The following TSC22D1 variants were observed in gnomAD, a reference collection of about 807,000 sequenced individuals.
The protein encoded by TSC22D1 is TSC22 domain family member 1.
A neutral mutation model predicts 74.2 loss-of-function variants in TSC22D1; 9 were observed. That is an observed-to-expected ratio of 0.12 (90% CI 0.07 to 0.21). The LOEUF (loss-of-function observed/expected upper bound fraction) is 0.21, where lower values mean the gene tolerates loss of function less well. Among genes scored for constraint, TSC22D1 ranks in the 10% least tolerant of loss-of-function variants. The pLI, the probability that TSC22D1 is intolerant of heterozygous loss-of-function variation, is 1.00. For synonymous variants in TSC22D1, 586 were observed against 492.5 expected (o/e 1.19, Z -2.51); for missense variants, 1,427 against 1,304.7 (o/e 1.09, Z -1.44).
At chr13:44,512,869 C>T (rs1879802606) in intron 1 of TSC22D1, among the ~76,000 whole-genome samples, 1 of 152,032 alleles carries the variant, frequency 6.6e-6, no homozygotes, top group Admixed American at 6.5e-5. Context: ...AGGATGGTCT[C>T]GATCTCTTGA....
At chr13:44,527,170 G>GA (rs1291804046) in intron 1 of TSC22D1, among the ~76,000 whole-genome samples, 1 of 151,970 alleles carries the variant, frequency 6.6e-6, no homozygotes, top group Non-Finnish European at 1.5e-5. Context: ...GACCTGTCTT[G>GA]AAAAAAATGT....
chr13:44,551,310 G>GGGGGGTGTGTGT (rs1555272439), intron 1 of TSC22D1, among the ~76,000 whole-genome samples: 7 of 132,776 alleles, frequency 5.3e-5, no homozygotes, highest in African/African-American at 2.1e-4. Flanking sequence ...ATCAGCTGGG[G>GGGGGGTGTGTGT]GTGTGTGTGT....
chr13:44,436,018 A>G, intron 2 of TSC22D1, 26 bp downstream of exon 2: 1 of 1,607,284 alleles, frequency 6.2e-7, no homozygotes, highest in Non-Finnish European at 8.5e-7. Context: ...CACATTTAGT[A>G]TAAATGATTT....
chr13:44,537,925 A>G, intron 1 of TSC22D1: 1 of 985,216 alleles, frequency 1.0e-6, no homozygotes, highest in Non-Finnish European at 1.2e-6. Flanking sequence ...TAAAATGTAT[A>G]CCAAATTTAA....
chr13:44,454,850 TATC>T (rs33967731), intron 1 of TSC22D1, among the ~76,000 whole-genome samples: 54,072 of 151,896 alleles, frequency 0.36, 9,921 homozygotes, highest in Non-Finnish European at 0.41. Flanking sequence ...TCTGCACTCT[TATC>T]ATAACAGATG....
At chr13:44,530,663 CAA>C (rs57089792) in intron 1 of TSC22D1, among the ~76,000 whole-genome samples, 3 of 129,962 alleles carry the variant, frequency 2.3e-5, no homozygotes, top group Admixed American at 7.8e-5. Flanking sequence ...TCTTAAAACT[CAA>C]AAAAAAAAAA....
rs1884127972 is a variant in TSC22D1, at chr13:44,575,233, G to A, written c.842C>T (p.Ser281Leu). Residue 281 changes from serine to leucine, a missense_variant, in exon 1 of 3, where the codon TCA becomes TTA. Ser to Leu is a moderately radical substitution (Grantham distance 145). Transcript: ENST00000458659. Reference protein sequence around the residue: ...ITPVAPTSAVSSSGSPASVMT... With the variant: ...ITPVAPTSAVLSSGSPASVMT... The stretch of plus-strand genomic sequence containing the variant: ...TACAGATGCAGGTGAACCACTGGAT[G>A]ATACAGCAGAAGTTGGTGCAACTGG... 2.5e-6 allele frequency: 4 copies of A among 1,613,960 alleles called. No individual in the cohort carries two copies. The highest frequency in any genetic ancestry group is 2.5e-6 in the Non-Finnish European group (3 of 1,180,048).
At chr13:44,494,374 T>TAAAAAAAAAA (rs1566138860) in intron 1 of TSC22D1, among the ~76,000 whole-genome samples, 2 of 9,990 alleles carry the variant, frequency 2.0e-4, no homozygotes, top group Non-Finnish European at 3.3e-4. Flanking sequence ...AGACTCCGTA[T>TAAAAAAAAAA]CAAAAAAAAA....
chr13:44,524,075 T>C (rs976768659), intron 1 of TSC22D1, among the ~76,000 whole-genome samples: 2 of 152,162 alleles, frequency 1.3e-5, no homozygotes, highest in Non-Finnish European at 2.9e-5. Context: ...AAAAGATGCA[T>C]GAAACTTAGT....
At chr13:44,544,356 CAA>C (rs796430706) in intron 1 of TSC22D1, among the ~76,000 whole-genome samples, 1 of 127,896 alleles carries the variant, frequency 7.8e-6, no homozygotes, top group African/African-American at 2.9e-5. Flanking sequence ...AACAAAAAGG[CAA>C]AAAAAAAAAA....
chr13:44,440,891 G>T (rs1037978350), intron 1 of TSC22D1, among the ~76,000 whole-genome samples: 4 of 152,132 alleles, frequency 2.6e-5, no homozygotes, highest in Non-Finnish European at 4.4e-5. Flanking sequence ...CAAACACAGG[G>T]ACTAGGAACA....
At chr13:44,497,227 GT>G (rs1043109434) in intron 1 of TSC22D1, among the ~76,000 whole-genome samples, 1 of 152,126 alleles carries the variant, frequency 6.6e-6, no homozygotes, top group African/African-American at 2.4e-5. Flanking sequence ...TATAAATAAA[GT>G]ACTGATTTGT....
chr13:44,434,610 G>T lies in TSC22D1; in HGVS notation c.*16C>A. 1 of 1,514,108 alleles carries T rather than the reference G, an allele frequency of 6.6e-7. No homozygotes were observed. The highest frequency in any genetic ancestry group is 8.8e-7 in the Non-Finnish European group (1 of 1,134,040). 93.8% of individuals were successfully genotyped at this position (1,514,108 alleles called of 1,614,324 possible). ...CAGTTCACACGCAGCAGCCAGTTCTGCGGGGGCATAGGCAGCTATGCGGTT... is the reference window on the plus strand; with the variant it reads ...CAGTTCACACGCAGCAGCCAGTTCTTCGGGGGCATAGGCAGCTATGCGGTT... On this transcript the variant is annotated 3_prime_UTR_variant, in exon 3 of 3. Transcript: ENST00000458659.
chr13:44,553,023 G>C (rs185100250), intron 1 of TSC22D1, among the ~76,000 whole-genome samples: 1 of 152,202 alleles, frequency 6.6e-6, no homozygotes, highest in African/African-American at 2.4e-5. Flanking sequence ...CGAAAATAAG[G>C]TGGTAAACAG....
At chr13:44,567,120 T>C (rs1322414341) in intron 1 of TSC22D1, among the ~76,000 whole-genome samples, 1 of 152,152 alleles carries the variant, frequency 6.6e-6, no homozygotes, top group Non-Finnish European at 1.5e-5. Flanking sequence ...GAAAACAGGG[T>C]TGAGTGAAGA....
chr13:44,433,728 T>C lies in TSC22D1; in HGVS notation c.*898A>G. 2.1e-6 allele frequency: 1 copy of C among 474,262 alleles called. No individual in the cohort carries two copies. Among genetic ancestry groups the C allele is most frequent in the Non-Finnish European group, 3.7e-6 (1 of 272,590 alleles). The allele number at this position is 474,262 out of a possible 1,614,324, so 29.4% of individuals were successfully genotyped here. On this transcript the variant is annotated 3_prime_UTR_variant, in exon 3 of 3. Transcript: ENST00000458659. Reference sequence around the variant, plus strand: ...TATTCAACCAGCTCAATTGAAAGACTTCAGTGAACAAGGATTTACTTCAGC... The same window carrying C: ...TATTCAACCAGCTCAATTGAAAGACCTCAGTGAACAAGGATTTACTTCAGC...
intron 1 of TSC22D1, among the ~76,000 whole-genome samples, chr13:44,519,293 A>G (rs1476657922): frequency 1.3e-5 from 2 of 152,128 alleles, no homozygotes. Flanking sequence ...TAAGGCTGAC[A>G]TCTTAAAATT....
intron 1 of TSC22D1, among the ~76,000 whole-genome samples, chr13:44,521,208 G>A (rs9525971): frequency 0.11 from 16,613 of 152,146 alleles, 980 homozygotes; most frequent in Non-Finnish European, 0.12. Context: ...GGACTTCTAG[G>A]ACGCTAACCC....
intron 1 of TSC22D1, among the ~76,000 whole-genome samples, chr13:44,553,809 A>G (rs1385179315): frequency 6.6e-6 from 1 of 152,222 alleles, no homozygotes; most frequent in African/African-American, 2.4e-5. Context: ...AGTCAGCGAA[A>G]GAATTAATCC....
Sources: gnomAD v4.1 joint callset for allele counts (sites outside exome capture counted in the v4.1 genomes callset) on GRCh38, gnomAD v4.1.1 for gene constraint, MANE v1.5 for transcripts, NCBI Gene and HGNC (gene_info 2026-07-23, HGNC 2026-07-21) for gene names.